The following SNX25 variants were observed in gnomAD, a reference collection of about 807,000 sequenced individuals.
SNX25 encodes sorting nexin 25, also known as sorting nexin-25.
In SNX25, 62 loss-of-function variants were observed where a neutral mutation model predicts 113.7. The ratio of observed to expected loss-of-function variants is 0.55; its 90% CI spans 0.44 to 0.67. SNX25 has a LOEUF of 0.67. Among genes scored for constraint, SNX25 ranks in the 30% least tolerant of loss-of-function variants. The pLI, the probability that SNX25 is intolerant of heterozygous loss-of-function variation, is 0.00. For synonymous variants in SNX25, 421 were observed against 436.2 expected (o/e 0.97, Z 0.43); for missense variants, 1,014 against 1,161.0 (o/e 0.87, Z 1.84).
In SNX25 at chr4:185,232,464, G is replaced by A. The variant is rs529793411; in HGVS notation, c.430-14830G>A. Among the ~76,000 whole-genome samples the A allele has an allele frequency of 6.6e-6, 1 of 152,112 alleles. No homozygotes were observed. The highest frequency in any genetic ancestry group is 2.1e-4 in the South Asian group (1 of 4,806). On this transcript the variant is annotated intron_variant, in intron 1 of 18. Transcript: ENST00000652585. The surrounding 1 kb of genome is among the most constrained non-coding windows in gnomAD (Gnocchi z 4.4). ...CTGTTTGCTTATCATGACTTTCTAG[G>A]TGCATGAGCCGTGCAGTTTGTCATG...
At chr4:185,264,686 T>G in intron 4 of SNX25, 76 bp downstream of exon 4, 1 of 1,424,716 alleles carries the variant, frequency 7.0e-7, no homozygotes, top group Non-Finnish European at 9.8e-7. Context: ...TTGTTTACTG[T>G]TGAACATATG....
At chr4:185,327,800 G>A (rs2095166983) in intron 9 of SNX25, among the ~76,000 whole-genome samples, 1 of 152,164 alleles carries the variant, frequency 6.6e-6, no homozygotes, top group South Asian at 2.1e-4. Context: ...CAATATTAAT[G>A]TTTCATTTAT....
At position 185,209,865 on chromosome 4, in the gene SNX25, C is replaced by T; in HGVS notation, c.39C>T (p.Pro13=). 2.0e-6 allele frequency: 2 copies of T among 983,414 alleles called. No individual in the cohort carries two copies. The highest frequency in any genetic ancestry group is 2.4e-6 in the Non-Finnish European group (2 of 829,188). 60.9% of individuals were successfully genotyped at this position (983,414 alleles called of 1,614,324 possible). ...CGACCGACAGTGGCGGCGCCGGCCC[C>T]AGCCCCGCGCGGGCCGCAGGCGCCG... ...PDATDSGGAG[P]SPARAAGAGG... The change falls in exon 1 of 19, where the codon CCC becomes CCT. Residue 13 remains proline (P), a synonymous_variant. Transcript: ENST00000652585. The surrounding 1 kb of genome is among the most constrained non-coding windows in gnomAD (Gnocchi z 5.2).
Position 185,282,033 on chromosome 4 carries a change from A to G in SNX25, c.1092-5979A>G, listed in dbSNP as rs142326728. Among the ~76,000 whole-genome samples, 131 of 152,296 alleles carry G rather than the reference A, an allele frequency of 8.6e-4. No individual in the cohort carries two copies. In the East Asian group the frequency reaches 0.024, roughly 27 times the overall value. ...TCCATCTCAAAATAAATAAATAAAA[A>G]TAAAAATTCTTTGGTTTTTCATAAG... On this transcript the variant is annotated intron_variant, in intron 5 of 18. Coordinates refer to ENST00000652585, the MANE Select transcript of SNX25 (RefSeq NM_001378034.2).
intron 7 of SNX25, among the ~76,000 whole-genome samples, chr4:185,317,077 G>A (rs551014977): frequency 3.2e-4 from 49 of 152,172 alleles, no homozygotes; most frequent in African/African-American, 1.1e-3. Context: ...CTACACATCT[G>A]ACAAAGGTCT....
At chr4:185,226,183 G>A (rs1740969421) in intron 1 of SNX25, among the ~76,000 whole-genome samples, 1 of 152,180 alleles carries the variant, frequency 6.6e-6, no homozygotes. Context: ...AAACCCATCA[G>A]GCATTTTGAG....
At chr4:185,218,514 C>CT (rs1284771347) in intron 1 of SNX25, among the ~76,000 whole-genome samples, 2 of 152,240 alleles carry the variant, frequency 1.3e-5, no homozygotes, top group Non-Finnish European at 2.9e-5. Flanking sequence ...GGTATGCCTG[C>CT]TTTGCCCCTG....
At chr4:185,258,595 G>T (rs1169689322) in intron 2 of SNX25, among the ~76,000 whole-genome samples, 1 of 152,064 alleles carries the variant, frequency 6.6e-6, no homozygotes, top group East Asian at 1.9e-4. Flanking sequence ...AGGTAGTTTG[G>T]CACCAAGATA....
chr4:185,292,581 TTA>T (rs1752335571), intron 6 of SNX25, among the ~76,000 whole-genome samples: 1 of 152,076 alleles, frequency 6.6e-6, no homozygotes, highest in East Asian at 1.9e-4. Flanking sequence ...TTTTGTATTT[TTA>T]GTAGAGGTTG....
chr4:185,240,667 C>T (rs1743724511), intron 1 of SNX25, among the ~76,000 whole-genome samples: 1 of 151,350 alleles, frequency 6.6e-6, no homozygotes, highest in African/African-American at 2.4e-5. Context: ...CCCCACCTCC[C>T]TTCCGGACGG....
chr4:185,208,752 AGAAT>A (rs1469007694), upstream of SNX25, among the ~76,000 whole-genome samples: 1 of 150,450 alleles, frequency 6.6e-6, no homozygotes, highest in East Asian at 1.9e-4. Context: ...AAAGAAAGAA[AGAAT>A]GAAATGCCCA....
intron 2 of SNX25, among the ~76,000 whole-genome samples, chr4:185,251,603 G>A (rs1745664520): frequency 2.6e-5 from 1 of 38,374 alleles, no homozygotes; most frequent in South Asian, 1.5e-3. Flanking sequence ...CATTGCGTGT[G>A]TGTGTGTGTG....
At chr4:185,259,778 T>C (rs1369579012) in intron 3 of SNX25, among the ~76,000 whole-genome samples, 1 of 152,178 alleles carries the variant, frequency 6.6e-6, no homozygotes, top group Non-Finnish European at 1.5e-5. Context: ...GGAACAGGAA[T>C]GGGAACAGTT....
intron 10 of SNX25, among the ~76,000 whole-genome samples, chr4:185,336,320 C>A (rs114862809): frequency 0.028 from 4,282 of 152,174 alleles, 190 homozygotes; most frequent in African/African-American, 0.099. Flanking sequence ...ATCCCTCATC[C>A]CCCGCCAACC....
chr4:185,325,143 C>A (rs746843721), intron 9 of SNX25, among the ~76,000 whole-genome samples: 3 of 152,070 alleles, frequency 2.0e-5, no homozygotes, highest in Non-Finnish European at 2.9e-5. Flanking sequence ...TTACTAGGCC[C>A]AATTGATTGA....
At chr4:185,357,889 A>G in intron 16 of SNX25, 152 bp downstream of exon 16, 1 of 667,262 alleles carries the variant, frequency 1.5e-6, no homozygotes, top group Middle Eastern at 2.5e-4. Flanking sequence ...ATTGGATAGG[A>G]GAGTCGATTT....
At position 185,362,642 on chromosome 4, in the gene SNX25, T is replaced by C. The variant is rs2095370474; in HGVS notation, c.2865T>C (p.Asn955=). 6 of 1,614,066 alleles carry C rather than the reference T, an allele frequency of 3.7e-6. No homozygotes were observed. Among genetic ancestry groups the C allele is most frequent in the Non-Finnish European group, 4.2e-6 (5 of 1,180,010 alleles). ...DMLQSLVGQQ[N]ARHGIIKIFN... is the part of the protein sequence containing the mutation. Reference sequence around the variant, plus strand: ...TTCAGAGCCTTGTTGGACAGCAAAATGCCCGCCACGGTATAATAAAAATAT... The same window carrying C: ...TTCAGAGCCTTGTTGGACAGCAAAACGCCCGCCACGGTATAATAAAAATAT... The change falls in exon 18 of 19, where the codon AAT becomes AAC. Residue 955 remains asparagine (N), a synonymous_variant. Coordinates refer to ENST00000652585, the MANE Select transcript of SNX25 (RefSeq NM_001378034.2).
chr4:185,273,601 A>G (rs893845787), intron 5 of SNX25, among the ~76,000 whole-genome samples: 1 of 152,206 alleles, frequency 6.6e-6, no homozygotes, highest in Non-Finnish European at 1.5e-5. Context: ...TACCAGCTGT[A>G]GTCACCATGC....
chr4:185,302,595 C>A (rs1480118200), intron 6 of SNX25, among the ~76,000 whole-genome samples: 1 of 152,172 alleles, frequency 6.6e-6, no homozygotes, highest in Non-Finnish European at 1.5e-5. Context: ...CTTGCAGTGC[C>A]CTTATAAAAG....
Sources: allele counts gnomAD v4.1 joint callset (sites outside exome capture counted in the v4.1 genomes callset), GRCh38; gene constraint gnomAD v4.1.1; non-coding constraint Gnocchi (gnomAD v3.1); transcripts MANE v1.5; gene names NCBI Gene and HGNC (gene_info 2026-07-23, HGNC 2026-07-21).